DMP1: variants seen among roughly 807,000 people sequenced by gnomAD.
DMP1 encodes dentin matrix protein 1.
A neutral mutation model predicts 14.6 loss-of-function variants in DMP1; 20 were observed. The observed-to-expected ratio is 1.37, with a 90% CI of 0.96 to 1.99. DMP1 has a LOEUF of 1.99. Among genes scored for constraint, DMP1 ranks in the 30% most tolerant of loss-of-function variants. The pLI is 0.00. For synonymous variants in DMP1, 197 were observed against 215.3 expected (o/e 0.91, Z 0.75); for missense variants, 567 against 620.5 (o/e 0.91, Z 0.92).
chr4:87,662,396 C>CG lies in DMP1; in HGVS notation c.620dup (p.Ser208LeufsTer6), dbSNP rs780609306. 1.2e-6 allele frequency: 2 copies of CG among 1,614,086 alleles called. No individual in the cohort carries two copies. Among genetic ancestry groups the CG allele is most frequent in the South Asian group, 2.2e-5 (2 of 91,084 alleles). ...GTGATGGGGAGAGCAGCCATGGAGA[C>CG]GGCTCCGAGTTGGACGATGAGGGAA... On this transcript the variant is annotated frameshift_variant, in exon 6 of 6. Coordinates refer to ENST00000339673, the MANE Select transcript of DMP1 (RefSeq NM_004407.4). LOFTEE classifies it low-confidence loss of function (END_TRUNC).
intron 1 of DMP1, among the ~76,000 whole-genome samples, chr4:87,654,797 T>C (rs1358273351): frequency 6.6e-6 from 1 of 152,176 alleles, no homozygotes; most frequent in Non-Finnish European, 1.5e-5. Context: ...AAAGTAAACA[T>C]AGACTAGAGG....
Position 87,663,419 on chromosome 4 carries a change from A to G in DMP1, c.*99A>G, listed in dbSNP as rs1728990758. On this transcript the variant is annotated 3_prime_UTR_variant, in exon 6 of 6. Transcript: ENST00000339673. The stretch of plus-strand genomic sequence containing the variant: ...ATTTATTGATGTTTTGATCAAAAGA[A>G]TAACCAGATGCCATATTTTTCCTGA... 1.3e-6 allele frequency: 2 copies of G among 1,565,416 alleles called. No homozygotes were observed. The highest frequency in any genetic ancestry group is 2.2e-5 in the South Asian group (2 of 89,208).
In DMP1 at chr4:87,661,950, C is replaced by G; in HGVS notation, c.184-12C>G. ...TGGAATACTGACCATATCTGTTAAC[C>G]CCAAATTCTAGGCAAATGAAGACCC... On this transcript the variant is annotated splice_polypyrimidine_tract_variant and intron_variant, in intron 5 of 5. Transcript: ENST00000339673. 6.2e-7 allele frequency: 1 copy of G among 1,614,042 alleles called. No individual in the cohort carries two copies. Among genetic ancestry groups the G allele is most frequent in the Non-Finnish European group, 8.5e-7 (1 of 1,180,008 alleles).
At chr4:87,658,119 G>T (rs959317268) in intron 3 of DMP1, among the ~76,000 whole-genome samples, 3 of 152,208 alleles carry the variant, frequency 2.0e-5, no homozygotes, top group African/African-American at 4.8e-5. Context: ...ACAATGTCTT[G>T]CTCCCTTCCA....
chr4:87,663,394 A>T lies in DMP1; in HGVS notation c.*74A>T. 1.2e-6 allele frequency: 2 copies of T among 1,605,560 alleles called. No homozygotes were observed. Among genetic ancestry groups the T allele is most frequent in the Admixed American group, 3.3e-5 (2 of 59,982 alleles). On this transcript the variant is annotated 3_prime_UTR_variant, in exon 6 of 6. Transcript: ENST00000339673. ...TTGAAAATGTATCATGATAACTATA[A>T]TTTATTGATGTTTTGATCAAAAGAA... is the stretch of plus-strand genomic sequence containing the variant.
In DMP1 at chr4:87,663,402, A is replaced by G; in HGVS notation, c.*82A>G. 1 of 1,600,618 alleles carries G rather than the reference A, an allele frequency of 6.2e-7. No individual in the cohort carries two copies. Among genetic ancestry groups the G allele is most frequent in the Non-Finnish European group, 8.5e-7 (1 of 1,170,072 alleles). On this transcript the variant is annotated 3_prime_UTR_variant, in exon 6 of 6. Transcript: ENST00000339673. ...GTATCATGATAACTATAATTTATTGATGTTTTGATCAAAAGAATAACCAGA... is the reference window on the plus strand; with the variant it reads ...GTATCATGATAACTATAATTTATTGGTGTTTTGATCAAAAGAATAACCAGA...
At position 87,664,270 on chromosome 4, in the gene DMP1, A is replaced by T. The variant is rs1729026667; in HGVS notation, c.*950A>T. On this transcript the variant is annotated 3_prime_UTR_variant, in exon 6 of 6. Transcript: ENST00000339673. ...TTTACAGAGCAAAATTCTGTATGTA[A>T]GATTCAATTGATTTTTGACAAATAC... 1 of 152,636 alleles carries T rather than the reference A, an allele frequency of 6.6e-6. No homozygotes were observed. Among genetic ancestry groups the T allele is most frequent in the African/African-American group, 2.4e-5 (1 of 41,446 alleles). 9.5% of individuals were successfully genotyped at this position (152,636 alleles called of 1,614,324 possible).
chr4:87,662,659 A>G lies in DMP1; in HGVS notation c.881A>G (p.Asp294Gly). 1 of 1,614,138 alleles carries G rather than the reference A, an allele frequency of 6.2e-7. No homozygotes were observed. The highest frequency in any genetic ancestry group is 1.3e-5 in the African/African-American group (1 of 75,016). Reference sequence around the variant, plus strand: ...AACACAATGGAAGAAGTCAAGAGTGACTCTACAGAAAACAGCAACTCCAGA... The same window carrying G: ...AACACAATGGAAGAAGTCAAGAGTGGCTCTACAGAAAACAGCAACTCCAGA... ...DNNTMEEVKSDSTENSNSRDT... is the reference protein window; with the variant it reads ...DNNTMEEVKSGSTENSNSRDT... Residue 294 changes from aspartate to glycine, a missense_variant, in exon 6 of 6, where the codon GAC becomes GGC. Transcript: ENST00000339673.
chr4:87,662,310 C>G lies in DMP1; in HGVS notation c.532C>G (p.Pro178Ala). 1 of 1,613,964 alleles carries G rather than the reference C, an allele frequency of 6.2e-7. No individual in the cohort carries two copies. The highest frequency in any genetic ancestry group is 8.5e-7 in the Non-Finnish European group (1 of 1,179,970). The change falls in exon 6 of 6, where the codon CCT (proline) becomes GCT (alanine). Residue 178 changes from proline (P) to alanine (A), a missense_variant. Transcript: ENST00000339673. Reference sequence around the variant, plus strand: ...CAATGAGGACCGGGTGGACAGCAAGCCTGAGGGAGGTGACTCCACTCAAGA... The same window carrying G: ...CAATGAGGACCGGGTGGACAGCAAGGCTGAGGGAGGTGACTCCACTCAAGA... ...LDNEDRVDSK[P>A]EGGDSTQESE...
At position 87,663,184 on chromosome 4, in the gene DMP1, C is replaced by G; in HGVS notation, c.1406C>G (p.Thr469Arg). 6.2e-7 allele frequency: 1 copy of G among 1,614,116 alleles called. No individual in the cohort carries two copies. Among genetic ancestry groups the G allele is most frequent in the East Asian group, 2.2e-5 (1 of 44,854 alleles). The change falls in exon 6 of 6, where the codon ACG becomes AGG. Residue 469 changes from threonine to arginine, a missense_variant. Physicochemically the swap from Thr to Arg is moderately conservative, Grantham distance 71. Coordinates refer to ENST00000339673, the MANE Select transcript of DMP1 (RefSeq NM_004407.4). The part of the protein sequence containing the change: ...SSRSKEDSNS[T>R]ESKSSSEEDG... ...AGATCCAAAGAAGATAGCAACTCCA[C>G]GGAGAGCAAATCAAGCAGTGAGGAA...
intron 1 of DMP1, among the ~76,000 whole-genome samples, chr4:87,652,631 A>C (rs917501365): frequency 2.6e-5 from 4 of 152,194 alleles, no homozygotes; most frequent in African/African-American, 9.6e-5. Flanking sequence ...TCCATCCCTA[A>C]GAAACTTGAG....
At position 87,662,721 on chromosome 4, in the gene DMP1, G is replaced by A. The variant is rs149603030; in HGVS notation, c.943G>A (p.Gly315Ser). The A allele has an allele frequency of 6.2e-7, 1 of 1,614,032 alleles. No individual in the cohort carries two copies. The highest frequency in any genetic ancestry group is 1.3e-5 in the African/African-American group (1 of 74,916). The change falls in exon 6 of 6, where the codon GGT becomes AGT. Residue 315 changes from glycine (G) to serine (S), a missense_variant. Transcript: ENST00000339673. Reference sequence around the variant, plus strand: ...CAGCCAACCCAGGAGAGACAGCAAGGGTGACTCTCAAGAAGACAGCAAGGA... The same window carrying A: ...CAGCCAACCCAGGAGAGACAGCAAGAGTGACTCTCAAGAAGACAGCAAGGA... ...GLSQPRRDSKGDSQEDSKENL... is the reference protein window; with the variant it reads ...GLSQPRRDSKSDSQEDSKENL...
intron 2 of DMP1, 129 bp downstream of exon 2, chr4:87,656,675 G>A (rs920371451): frequency 1.3e-6 from 1 of 760,268 alleles, no homozygotes; most frequent in Non-Finnish European, 2.4e-6. Context: ...TTAGCATGCT[G>A]TTTTCTTAAG....
Position 87,653,676 on chromosome 4 carries a change from T to G in DMP1, c.-21-2796T>G, listed in dbSNP as rs186728819. ...AAACCTATTCCTGTGCCCACCCAAG[T>G]GAATGGATTTATTGCCCTGGGATGG... is the stretch of plus-strand genomic sequence containing the variant. On this transcript the variant is annotated intron_variant, in intron 1 of 5. Transcript: ENST00000339673. 1.3e-3 allele frequency among the ~76,000 whole-genome samples: 203 copies of G among 152,014 alleles called. 2 individuals carry two copies. The highest frequency in any genetic ancestry group is 0.013 in the Admixed American group (192 of 15,260).
At chr4:87,659,164 T>C (rs567674471) in intron 3 of DMP1, 56 bp from the exon 4 acceptor site, 1 of 1,549,332 alleles carries the variant, frequency 6.5e-7, no homozygotes, top group South Asian at 1.1e-5. Context: ...ATAATTACAA[T>C]AATGAAATCC....
intron 2 of DMP1, 73 bp from the exon 3 acceptor site, chr4:87,656,959 T>C (rs771674905): frequency 1.2e-5 from 11 of 926,658 alleles, no homozygotes; most frequent in African/African-American, 4.9e-5. Context: ...CCTACTCCTA[T>C]GTATGAAATG....
At chr4:87,650,506 T>G (rs1272474280) in intron 1 of DMP1, 122 bp downstream of exon 1, 1 of 152,236 alleles carries the variant, frequency 6.6e-6, no homozygotes, top group African/African-American at 2.4e-5. Flanking sequence ...AGCTGCGCTT[T>G]GGGTAAAAAC....
rs950968947 is a variant in DMP1 at position 87,656,498 on chromosome 4, G to A, written c.6G>A (p.Lys2=). 1.2e-6 allele frequency: 2 copies of A among 1,607,540 alleles called. No homozygotes were observed. The highest frequency in any genetic ancestry group is 1.7e-6 in the Non-Finnish European group (2 of 1,174,082). The change falls in exon 2 of 6, where the codon AAG becomes AAA. Residue 2 remains lysine (K), a synonymous_variant. Transcript: ENST00000339673. ...TAGAGGTATCACACCCAACTATGAA[G>A]ATCAGCATCCTGCTCATGTTCCTTT... M[K]ISILLMFLWG...
chr4:87,663,343 T>C lies in DMP1; in HGVS notation c.*23T>C, dbSNP rs776880303. On this transcript the variant is annotated 3_prime_UTR_variant, in exon 6 of 6. Transcript: ENST00000339673. The stretch of plus-strand genomic sequence containing the variant: ...TAGCATCAGCTGTCCTAAGAAGCAG[T>C]TGTCACATAAAGGAGTCTTAGGGAC... 3 of 1,614,052 alleles carry C rather than the reference T, an allele frequency of 1.9e-6. No homozygotes were observed. The highest frequency in any genetic ancestry group is 2.7e-5 in the African/African-American group (2 of 74,928).
Sources: gnomAD v4.1 joint callset for allele counts (sites outside exome capture counted in the v4.1 genomes callset) on GRCh38, gnomAD v4.1.1 for gene constraint, MANE v1.5 for transcripts, NCBI Gene and HGNC (gene_info 2026-07-23, HGNC 2026-07-21) for gene names.